Variants in PPM1L observed in about 807,000 individuals in gnomAD.
The protein encoded by PPM1L is protein phosphatase 1L.
PPM1L carries 13 observed loss-of-function variants against 31.4 expected under a neutral mutation model. The ratio of observed to expected loss-of-function variants is 0.41; its 90% CI spans 0.27 to 0.66. The LOEUF (loss-of-function observed/expected upper bound fraction) is 0.66, where lower values mean the gene tolerates loss of function less well. Among genes scored for constraint, PPM1L ranks in the 30% least tolerant of loss-of-function variants. PPM1L has a pLI of 0.29. For missense variants in PPM1L, 326 were observed against 453.7 expected (o/e 0.72, Z 2.56); for synonymous variants, 184 against 175.4 (o/e 1.05, Z -0.39).
intron 2 of PPM1L, among the ~76,000 whole-genome samples, chr3:160,963,350 G>A (rs948988805): frequency 7.2e-5 from 11 of 152,016 alleles, no homozygotes; most frequent in Admixed American, 2.6e-4. Context: ...TTGAATGCAC[G>A]GCAATATACT....
intron 1 of PPM1L, among the ~76,000 whole-genome samples, chr3:160,825,664 A>C (rs1285679713): frequency 6.6e-6 from 1 of 152,178 alleles, no homozygotes; most frequent in Non-Finnish European, 1.5e-5. Context: ...GATTAAATCA[A>C]TAGAATATGA....
At chr3:161,053,989 C>CAT (rs1559938715) in intron 2 of PPM1L, among the ~76,000 whole-genome samples, 2 of 152,084 alleles carry the variant, frequency 1.3e-5, no homozygotes, top group Non-Finnish European at 2.9e-5. Context: ...TCATTCCTGC[C>CAT]GCTCTGCTCT....
At chr3:161,030,716 A>G (rs974997320) in intron 2 of PPM1L, among the ~76,000 whole-genome samples, 1 of 152,180 alleles carries the variant, frequency 6.6e-6, no homozygotes, top group Non-Finnish European at 1.5e-5. Context: ...TTTCAAAGCC[A>G]TATATCTCCT....
intron 1 of PPM1L, among the ~76,000 whole-genome samples, chr3:160,806,705 A>T (rs956568092): frequency 6.6e-6 from 1 of 151,960 alleles, no homozygotes; most frequent in African/African-American, 2.4e-5. Context: ...CAGAATTCGA[A>T]TGTAGCCTGA....
At chr3:160,981,668 A>G (rs537488137) in intron 2 of PPM1L, among the ~76,000 whole-genome samples, 11 of 152,194 alleles carry the variant, frequency 7.2e-5, no homozygotes, top group Non-Finnish European at 1.6e-4. Context: ...TATTGCAAAA[A>G]TATCTACTCT....
chr3:160,954,406 G>A (rs1489873853), intron 1 of PPM1L, among the ~76,000 whole-genome samples: 1 of 151,854 alleles, frequency 6.6e-6, no homozygotes, highest in Non-Finnish European at 1.5e-5. Context: ...CTGTCACTCA[G>A]GCTGGAGTGC....
At chr3:160,835,148 C>CT (rs1474142405) in intron 1 of PPM1L, among the ~76,000 whole-genome samples, 3 of 92,620 alleles carry the variant, frequency 3.2e-5, no homozygotes, top group Non-Finnish European at 6.5e-5. Context: ...CCTTTTTCTT[C>CT]CTTTTTTTTT....
intron 1 of PPM1L, among the ~76,000 whole-genome samples, chr3:160,785,558 T>G (rs1305391869): frequency 1.3e-5 from 2 of 152,186 alleles, no homozygotes; most frequent in African/African-American, 4.8e-5. Context: ...TGAGCAATAT[T>G]TTAGGCATGT....
At chr3:160,763,230 G>A (rs1388781797) in intron 1 of PPM1L, among the ~76,000 whole-genome samples, 2 of 152,222 alleles carry the variant, frequency 1.3e-5, no homozygotes, top group Non-Finnish European at 1.5e-5. Context: ...CACTTCCAGT[G>A]ATGCCACTTT....
chr3:160,869,949 C>T (rs955878358), intron 1 of PPM1L, among the ~76,000 whole-genome samples: 1 of 152,176 alleles, frequency 6.6e-6, no homozygotes, highest in Non-Finnish European at 1.5e-5. Context: ...GCTAGAATCA[C>T]GTGCTGCCCT....
At chr3:160,778,016 T>C (rs777837281) in intron 1 of PPM1L, among the ~76,000 whole-genome samples, 3 of 152,192 alleles carry the variant, frequency 2.0e-5, no homozygotes, top group Non-Finnish European at 2.9e-5. Context: ...CTCAACATCC[T>C]TGGCAATACT....
chr3:160,925,481 A>G (rs1250930551), intron 1 of PPM1L, among the ~76,000 whole-genome samples: 1 of 152,168 alleles, frequency 6.6e-6, no homozygotes, highest in Non-Finnish European at 1.5e-5. Context: ...TTATTAACAA[A>G]ATTTAGAGTC....
intron 1 of PPM1L, among the ~76,000 whole-genome samples, chr3:160,887,486 C>A (rs965115041): frequency 1.3e-5 from 2 of 151,560 alleles, no homozygotes; most frequent in African/African-American, 4.8e-5. Context: ...AAGACCAGGT[C>A]ACCTACAAAG....
intron 1 of PPM1L, among the ~76,000 whole-genome samples, chr3:160,871,968 C>CA (rs1263394684): frequency 6.6e-6 from 1 of 151,990 alleles, no homozygotes; most frequent in Non-Finnish European, 1.5e-5. Context: ...TCTTATCCAG[C>CA]AGTCATTGAA....
chr3:160,775,632 G>A (rs1425579608), intron 1 of PPM1L, among the ~76,000 whole-genome samples: 1 of 152,134 alleles, frequency 6.6e-6, no homozygotes, highest in African/African-American at 2.4e-5. Context: ...TTTGAGAATT[G>A]GGGGCTGGCT....
chr3:161,033,546 CA>C (rs1189540627), intron 2 of PPM1L, among the ~76,000 whole-genome samples: 2 of 152,144 alleles, frequency 1.3e-5, no homozygotes, highest in Non-Finnish European at 2.9e-5. Context: ...GACACATCTA[CA>C]ACTATCTGAT....
chr3:161,042,557 G>A (rs1375036350), intron 2 of PPM1L, among the ~76,000 whole-genome samples: 4 of 152,116 alleles, frequency 2.6e-5, no homozygotes, highest in Admixed American at 2.6e-4. Flanking sequence ...CATGCCACCT[G>A]GCAGTTTTGT....
rs998416860 is a variant in PPM1L, at chr3:160,874,987, T to C, written c.400-86749T>C. ...AGCCTTCCAGCTGGCCCAGGTGACA[T>C]AGGGTAGAGCAGAAATAAACTCTGA... is the stretch of plus-strand genomic sequence containing the variant. On this transcript the variant is annotated intron_variant, in intron 1 of 3. Coordinates refer to ENST00000498165, the MANE Select transcript of PPM1L (RefSeq NM_139245.4). Among the ~76,000 whole-genome samples, 4 of 152,114 alleles carry C rather than the reference T, an allele frequency of 2.6e-5. No individual in the cohort carries two copies. The South Asian group carries it at 6.2e-4, about 24-fold the overall frequency.
intron 1 of PPM1L, among the ~76,000 whole-genome samples, chr3:160,874,059 T>C (rs146014898): frequency 0.011 from 1,707 of 152,326 alleles, 14 homozygotes; most frequent in Middle Eastern, 0.017. Context: ...CCTCTGTTTT[T>C]ATCTGGCATG....
Sources: gnomAD v4.1 joint callset for allele counts (sites outside exome capture counted in the v4.1 genomes callset) on GRCh38, gnomAD v4.1.1 for gene constraint, MANE v1.5 for transcripts, NCBI Gene and HGNC (gene_info 2026-07-23, HGNC 2026-07-21) for gene names.